GARNL3: variants seen among roughly 807,000 people sequenced by gnomAD.
GARNL3 encodes GTPase-activating Rap/Ran-GAP domain-like protein 3.
Under a neutral mutation model 125.0 loss-of-function variants are expected in GARNL3, and 63 were observed. That is an observed-to-expected ratio of 0.50 (90% confidence interval 0.41 to 0.62). The LOEUF is 0.62. Among genes scored for constraint, GARNL3 ranks in the 20% least tolerant of loss-of-function variants. The pLI, the probability that GARNL3 is intolerant of heterozygous loss-of-function variation, is 0.00. For synonymous variants in GARNL3, 439 were observed against 457.5 expected (o/e 0.96, Z 0.52); for missense variants, 994 against 1,244.0 (o/e 0.80, Z 3.02).
chr9:127,252,795 A>G (rs2063429089), intron 2 of GARNL3, among the ~76,000 whole-genome samples: 1 of 152,218 alleles, frequency 6.6e-6, no homozygotes, highest in Non-Finnish European at 1.5e-5. Context: ...ATACAGTGGG[A>G]TGAATTTTGA....
chr9:127,332,763 G>A (rs758883896), intron 8 of GARNL3, among the ~76,000 whole-genome samples: 9 of 152,086 alleles, frequency 5.9e-5, no homozygotes, highest in Non-Finnish European at 1.2e-4. Flanking sequence ...TTTTTGTTTT[G>A]CGATAGTAAA....
intron 12 of GARNL3, 56 bp downstream of exon 12, chr9:127,338,217 G>C (rs1829659916): frequency 2.3e-6 from 3 of 1,326,024 alleles, no homozygotes; most frequent in East Asian, 4.6e-5. Flanking sequence ...TGTTAATTTA[G>C]CATTGATTTT....
intron 22 of GARNL3, among the ~76,000 whole-genome samples, chr9:127,377,803 A>G (rs1282774856): frequency 6.6e-6 from 1 of 151,882 alleles, no homozygotes; most frequent in Admixed American, 6.6e-5. Context: ...AAAAAAAAAA[A>G]AAAAAAAAAA....
chr9:127,382,289 G>A (rs1832305180), intron 22 of GARNL3, among the ~76,000 whole-genome samples: 1 of 152,062 alleles, frequency 6.6e-6, no homozygotes, highest in Non-Finnish European at 1.5e-5. Flanking sequence ...AACAGAGCAA[G>A]ACTCCGTCTC....
At chr9:127,226,916 A>C (rs1472425105) in intron 1 of GARNL3, among the ~76,000 whole-genome samples, 1 of 152,170 alleles carries the variant, frequency 6.6e-6, no homozygotes, top group Non-Finnish European at 1.5e-5. Flanking sequence ...CCTGAAGTGG[A>C]ATGCATGGAG....
intron 17 of GARNL3, among the ~76,000 whole-genome samples, chr9:127,352,635 C>CT (rs953366612): frequency 1.3e-5 from 2 of 152,132 alleles, no homozygotes; most frequent in African/African-American, 4.8e-5. Context: ...GAGACAAGCC[C>CT]TAGGTGTAAT....
intron 2 of GARNL3, among the ~76,000 whole-genome samples, chr9:127,248,364 G>A (rs897131601): frequency 6.6e-6 from 1 of 152,058 alleles, no homozygotes; most frequent in African/African-American, 2.4e-5. Flanking sequence ...GTAGGCGTGG[G>A]GGCCCATCTG....
chr9:127,388,047 G>T (rs556313177), intron 25 of GARNL3, among the ~76,000 whole-genome samples: 1 of 152,228 alleles, frequency 6.6e-6, no homozygotes, highest in Non-Finnish European at 1.5e-5. Context: ...TTGGGAGGCT[G>T]AGGTGGGAGG....
chr9:127,306,726 CAA>C (rs544849770), intron 2 of GARNL3, among the ~76,000 whole-genome samples: 14 of 103,716 alleles, frequency 1.3e-4, no homozygotes, highest in Non-Finnish European at 1.6e-4. Context: ...AATTCTGTCT[CAA>C]AAAAAAAAAA....
chr9:127,289,760 G>A (rs1234704396), intron 1 of GARNL3, among the ~76,000 whole-genome samples: 1 of 152,184 alleles, frequency 6.6e-6, no homozygotes, highest in East Asian at 1.9e-4. Flanking sequence ...AGAAGCTGAG[G>A]GCAAAGGCTA....
In GARNL3 at chr9:127,242,465, CG is replaced by C. The variant is rs2131168264; in HGVS notation, c.-28-612del. 6.6e-6 allele frequency among the ~76,000 whole-genome samples: 1 copy of C among 152,228 alleles called. No homozygotes were observed. Among genetic ancestry groups the C allele is most frequent in the Admixed American group, 6.5e-5 (1 of 15,288 alleles). On this transcript the variant is annotated intron_variant, in intron 1 of 10. Transcript: ENST00000439286. The surrounding 1 kb of genome is among the most constrained non-coding windows in gnomAD (Gnocchi z 4.6). The stretch of plus-strand genomic sequence containing the variant: ...TTTTCCACCTTCCTTGATGCATCAT[CG>C]GAGAAAGGAGCAGACACATCTCAGG...
intron 2 of GARNL3, among the ~76,000 whole-genome samples, chr9:127,307,034 T>A (rs1423870734): frequency 6.6e-6 from 1 of 152,100 alleles, no homozygotes; most frequent in Non-Finnish European, 1.5e-5. Flanking sequence ...TCTGAAAATA[T>A]CTTTGATTTT....
intron 25 of GARNL3, among the ~76,000 whole-genome samples, chr9:127,387,743 C>CAAAAA (rs59031446): frequency 3.6e-4 from 21 of 57,894 alleles, no homozygotes; most frequent in African/African-American, 1.2e-3. Flanking sequence ...ACTCTGTCTA[C>CAAAAA]AAAAAAAAAA....
At chr9:127,368,250 G>A (rs942585978) in intron 22 of GARNL3, among the ~76,000 whole-genome samples, 2 of 151,700 alleles carry the variant, frequency 1.3e-5, no homozygotes, top group Non-Finnish European at 2.9e-5. Flanking sequence ...AGGTGACTGC[G>A]TATGTCTGAT....
chr9:127,339,666 G>A lies in GARNL3; in HGVS notation c.1050G>A (p.Glu350=). 1 of 1,612,742 alleles carries A rather than the reference G, an allele frequency of 6.2e-7. No individual in the cohort carries two copies. ...TTAGGCTGAAAATATTTTCAGAAGAGAGCGTACCACTCTTTGGCCCTCCCT... is the reference window on the plus strand; with the variant it reads ...TTAGGCTGAAAATATTTTCAGAAGAAAGCGTACCACTCTTTGGCCCTCCCT... ...DNYRLKIFSE[E]SVPLFGPPLP... The change falls in exon 13 of 28, where the codon GAG becomes GAA. Residue 350 remains glutamate (E), a synonymous_variant. Transcript: ENST00000373387.
intron 1 of GARNL3, among the ~76,000 whole-genome samples, chr9:127,269,037 C>T (rs929819951): frequency 3.9e-5 from 6 of 152,172 alleles, no homozygotes; most frequent in Non-Finnish European, 8.8e-5. Flanking sequence ...CTCACCTTGT[C>T]ACCCAGGCTG....
intron 2 of GARNL3, among the ~76,000 whole-genome samples, chr9:127,246,437 T>G (rs1314664102): frequency 6.6e-6 from 1 of 152,106 alleles, no homozygotes; most frequent in Non-Finnish European, 1.5e-5. Context: ...GAGTAGTTGG[T>G]GTTGTCATTA....
intron 27 of GARNL3, among the ~76,000 whole-genome samples, chr9:127,391,539 T>TATATATAA: frequency 1.5e-5 from 1 of 66,986 alleles, no homozygotes; most frequent in East Asian, 4.9e-4. Flanking sequence ...AAAAAATATA[T>TATATATAA]ATATATATAT....
At chr9:127,262,041 G>A (rs1282141154), upstream of GARNL3, among the ~76,000 whole-genome samples, 3 of 152,138 alleles carry the variant, frequency 2.0e-5, no homozygotes, top group Admixed American at 1.3e-4. Flanking sequence ...GACTGCAGGT[G>A]TAAGTTTTAC....
Sources: gnomAD v4.1 joint callset for allele counts (sites outside exome capture counted in the v4.1 genomes callset) on GRCh38, gnomAD v4.1.1 for gene constraint, Gnocchi (gnomAD v3.1) non-coding constraint, MANE v1.5 for transcripts, NCBI Gene and HGNC (gene_info 2026-07-23, HGNC 2026-07-21) for gene names.